DLAT: variants seen among roughly 807,000 people sequenced by gnomAD.
DLAT encodes the protein dihydrolipoyllysine-residue acetyltransferase component of pyruvate dehydrogenase complex, mitochondrial.
Under a neutral mutation model 68.0 loss-of-function variants are expected in DLAT, and 43 were observed. That is an observed-to-expected ratio of 0.63 (90% confidence interval 0.50 to 0.81). The LOEUF is 0.81. Ranked by LOEUF, DLAT falls within the 40% of genes least tolerant of loss-of-function variation. The pLI is 0.00. For synonymous variants in DLAT, 265 were observed against 288.6 expected, an observed-to-expected ratio of 0.92 and a Z score of 0.83; for missense variants, 745 against 815.4, an observed-to-expected ratio of 0.91 and a Z score of 1.05.
At chr11:112,059,816 G>GA in intron 11 of DLAT, 87 bp from the exon 12 acceptor site, 1 of 1,226,750 alleles carries the variant, frequency 8.2e-7, no homozygotes, top group East Asian at 2.6e-5. Flanking sequence ...AAAAATTTTT[G>GA]AAGTAAATAT....
intron 11 of DLAT, among the ~76,000 whole-genome samples, chr11:112,053,057 C>T (rs956329260): frequency 1.3e-5 from 2 of 152,114 alleles, no homozygotes; most frequent in Non-Finnish European, 2.9e-5. Context: ...GGGCCGGGCT[C>T]ACACCTGTAA....
chr11:112,045,829 A>G, intron 9 of DLAT, 34 bp from the exon 10 acceptor site: 3 of 1,398,520 alleles, frequency 2.1e-6, no homozygotes, highest in Non-Finnish European at 3.0e-6. Flanking sequence ...TCTTAACTCA[A>G]GATAATTGAT....
intron 2 of DLAT, among the ~76,000 whole-genome samples, chr11:112,027,310 G>A (rs1448240792): frequency 7.3e-6 from 1 of 136,336 alleles, no homozygotes; most frequent in Non-Finnish European, 1.5e-5. Flanking sequence ...CGGGGCGGCG[G>A]GGCAGAGGCG....
intron 5 of DLAT, among the ~76,000 whole-genome samples, chr11:112,034,707 G>A (rs1460544773): frequency 6.6e-6 from 1 of 151,886 alleles, no homozygotes; most frequent in Admixed American, 6.6e-5. Flanking sequence ...CTCCCAAAGC[G>A]CTGGGATTAC....
At chr11:112,036,495 G>C (rs1337346705) in intron 5 of DLAT, 1 of 152,260 alleles carries the variant, frequency 6.6e-6, no homozygotes, top group Non-Finnish European at 1.5e-5. Context: ...TTACAGGCAT[G>C]AGCCGCCGCG....
chr11:112,063,884 G>T lies in DLAT; in HGVS notation c.*1349G>T, dbSNP rs1453105156. On this transcript the variant is annotated 3_prime_UTR_variant, in exon 14 of 14. Coordinates refer to ENST00000280346, the MANE Select transcript of DLAT (RefSeq NM_001931.5). Reference sequence around the variant, plus strand: ...GAAATTATTTATGACTACTTAAAATGAATCTGACCAGTGCTTCCTGGTATA... The same window carrying T: ...GAAATTATTTATGACTACTTAAAATTAATCTGACCAGTGCTTCCTGGTATA... 2 of 276,658 alleles carry T rather than the reference G, an allele frequency of 7.2e-6. No individual in the cohort carries two copies. The highest frequency in any genetic ancestry group is 6.2e-5 in the East Asian group (1 of 16,254). 17.1% of individuals were successfully genotyped at this position (276,658 alleles called of 1,614,324 possible).
Position 112,051,171 on chromosome 11 carries a change from T to C in DLAT, c.1399-63T>C. ...ACCTGGACATTCTGCACATGCACCC[T>C]GAAACTTAAAATTAAAATTAAAATT... On this transcript the variant is annotated intron_variant, in intron 10 of 13. Coordinates refer to ENST00000280346, the MANE Select transcript of DLAT (RefSeq NM_001931.5). The surrounding 1 kb of genome is among the most constrained non-coding windows in gnomAD (Gnocchi z 4.3). 8.2e-7 allele frequency: 1 copy of C among 1,212,702 alleles called. No homozygotes were observed. Among genetic ancestry groups the C allele is most frequent in the Middle Eastern group, 2.8e-4 (1 of 3,570 alleles). 75.1% of individuals were successfully genotyped at this position (1,212,702 alleles called of 1,614,324 possible).
chr11:112,046,096 T>C, intron 10 of DLAT, 126 bp downstream of exon 10: 1 of 636,256 alleles, frequency 1.6e-6, no homozygotes, highest in South Asian at 1.8e-5. Context: ...CTTGATCTTG[T>C]CCTTTGAAGC....
At chr11:112,043,771 A>G (rs1041622494) in intron 8 of DLAT, among the ~76,000 whole-genome samples, 4 of 152,234 alleles carry the variant, frequency 2.6e-5, no homozygotes, top group African/African-American at 9.6e-5. Flanking sequence ...ATTTGTATAT[A>G]ACTTACCCAC....
chr11:112,041,669 C>G (rs1863057926), intron 7 of DLAT, among the ~76,000 whole-genome samples: 1 of 152,136 alleles, frequency 6.6e-6, no homozygotes, highest in South Asian at 2.1e-4. Context: ...GATCACAGGT[C>G]AGGAGATGGA....
At chr11:112,026,489 G>T (rs1168242959) in intron 2 of DLAT, among the ~76,000 whole-genome samples, 190 bp downstream of exon 2, 1 of 152,060 alleles carries the variant, frequency 6.6e-6, no homozygotes, top group Non-Finnish European at 1.5e-5. Context: ...CAGTGTTTGT[G>T]TCCCTGGGTA....
chr11:112,059,688 C>T (rs898663426), intron 11 of DLAT, among the ~76,000 whole-genome samples: 2 of 152,118 alleles, frequency 1.3e-5, no homozygotes, highest in Non-Finnish European at 1.5e-5. Flanking sequence ...CCACCGTTCC[C>T]GGACCTCTCT....
intron 8 of DLAT, among the ~76,000 whole-genome samples, chr11:112,044,366 C>T (rs977191737): frequency 8.6e-5 from 13 of 151,914 alleles, no homozygotes; most frequent in Non-Finnish European, 1.8e-4. Flanking sequence ...GGCTAATTTT[C>T]GTATGTTTAG....
intron 4 of DLAT, among the ~76,000 whole-genome samples, chr11:112,032,108 C>T (rs1488815507): frequency 4.6e-5 from 7 of 151,746 alleles, no homozygotes; most frequent in Non-Finnish European, 7.4e-5. Flanking sequence ...TCTTGAACTC[C>T]TGGCCTCAAG....
intron 11 of DLAT, among the ~76,000 whole-genome samples, chr11:112,055,230 G>A (rs1863937318): frequency 6.8e-6 from 1 of 146,682 alleles, no homozygotes; most frequent in Non-Finnish European, 1.5e-5. Flanking sequence ...ATTCAGTCAA[G>A]GCCTATTTTT....
chr11:112,025,518 G>A lies in DLAT; in HGVS notation c.46G>A (p.Ala16Thr), dbSNP rs150145390. 1.2e-3 allele frequency: 1,897 copies of A among 1,614,018 alleles called. 19 individuals are homozygous for A. In the East Asian group the frequency reaches 0.031, roughly 27 times the overall value. Residue 16 changes from alanine (A) to threonine (T), a missense_variant, in exon 1 of 14, where the codon GCG (alanine) becomes ACG (threonine). Coordinates refer to ENST00000280346, the MANE Select transcript of DLAT (RefSeq NM_001931.5). Reference protein sequence around the residue: ...ARRAQNVAPWAGLEARWTALQ... With the variant: ...ARRAQNVAPWTGLEARWTALQ... Reference sequence around the variant, plus strand: ...ACGGGCTCAGAATGTAGCCCCATGGGCGGGACTCGAGGCTCGGTGGACGGC... The same window carrying A: ...ACGGGCTCAGAATGTAGCCCCATGGACGGGACTCGAGGCTCGGTGGACGGC...
intron 8 of DLAT, among the ~76,000 whole-genome samples, chr11:112,044,346 C>A (rs1331271712): frequency 6.6e-6 from 1 of 152,104 alleles, no homozygotes; most frequent in South Asian, 2.1e-4. Context: ...AGGTGCATGC[C>A]ATCACACCTG....
intron 5 of DLAT, chr11:112,036,971 GT>G (rs1416263996): frequency 5.5e-6 from 2 of 364,566 alleles, no homozygotes; most frequent in African/African-American, 4.2e-5. Flanking sequence ...ATCTTTCATA[GT>G]TTTATTGAAC....
At chr11:112,029,851 T>G (rs151195101) in intron 4 of DLAT, 26 of 606,560 alleles carry the variant, frequency 4.3e-5, no homozygotes, top group Non-Finnish European at 7.4e-5. Context: ...CTCCCCGCAC[T>G]TTGAGATCAC....
Sources: allele counts gnomAD v4.1 joint callset (sites outside exome capture counted in the v4.1 genomes callset), GRCh38; gene constraint gnomAD v4.1.1; non-coding constraint Gnocchi (gnomAD v3.1); transcripts MANE v1.5; gene names NCBI Gene and HGNC (gene_info 2026-07-23, HGNC 2026-07-21).